The following BNC2 variants were observed in gnomAD, a reference collection of about 807,000 sequenced individuals.
The protein encoded by BNC2 is zinc finger protein basonuclin-2.
In BNC2, 20 loss-of-function variants were observed where a neutral mutation model predicts 76.3. That is an observed-to-expected ratio of 0.26 (90% confidence interval 0.18 to 0.38). The LOEUF (loss-of-function observed/expected upper bound fraction) is 0.38. Among genes scored for constraint, BNC2 ranks in the 10% least tolerant of loss-of-function variants. BNC2 has a pLI of 1.00. For missense variants in BNC2, 1,382 were observed against 1,399.8 expected, an observed-to-expected ratio of 0.99 and a Z score of 0.20; for synonymous variants, 582 against 514.8, an observed-to-expected ratio of 1.13 and a Z score of -1.77.
At chr9:16,803,698 C>G (rs1817836939) in intron 1 of BNC2, among the ~76,000 whole-genome samples, 1 of 152,210 alleles carries the variant, frequency 6.6e-6, no homozygotes, top group African/African-American at 2.4e-5. Flanking sequence ...AAATTATCAT[C>G]TATTTACAGT....
At position 16,410,140 on chromosome 9, in the gene BNC2, A is replaced by G. The variant is rs1233139506; in HGVS notation, c.*8849T>C. 1.3e-5 allele frequency: 2 copies of G among 152,300 alleles called. No individual in the cohort carries two copies. Among genetic ancestry groups the G allele is most frequent in the African/African-American group, 2.4e-5 (1 of 41,560 alleles). The allele number at this position is 152,300 out of a possible 1,614,324, so 9.4% of individuals were successfully genotyped here. On this transcript the variant is annotated 3_prime_UTR_variant, in exon 7 of 7. Transcript: ENST00000380672. ...CTGTGTGAGGGATCTTGCTAGTTCT[A>G]AAAGGCCTAGTCCATCACCAGCAGG...
intron 4 of BNC2, among the ~76,000 whole-genome samples, chr9:16,574,099 T>C (rs190020491): frequency 7.3e-6 from 1 of 136,650 alleles, no homozygotes; most frequent in Admixed American, 7.2e-5. Flanking sequence ...CCGAATCTCC[T>C]AGTTTATCCT....
At chr9:16,489,951 TCTTA>T (rs949412119) in intron 5 of BNC2, among the ~76,000 whole-genome samples, 3 of 152,218 alleles carry the variant, frequency 2.0e-5, no homozygotes, top group African/African-American at 4.8e-5. Context: ...GTTCCTTACT[TCTTA>T]CTTAACAATA....
intron 3 of BNC2, among the ~76,000 whole-genome samples, chr9:16,605,962 T>C (rs921678035): frequency 1.3e-5 from 2 of 151,922 alleles, no homozygotes; most frequent in East Asian, 1.9e-4. Flanking sequence ...GCTAACCTTT[T>C]CAAACCCCTG....
intron 3 of BNC2, among the ~76,000 whole-genome samples, chr9:16,588,722 C>T (rs1031663380): frequency 3.9e-5 from 6 of 152,148 alleles, no homozygotes; most frequent in Non-Finnish European, 8.8e-5. Context: ...TGGATGCATT[C>T]CAAAGCTCTA....
chr9:16,743,339 T>G (rs1824905227), intron 1 of BNC2, among the ~76,000 whole-genome samples: 2 of 152,114 alleles, frequency 1.3e-5, no homozygotes, highest in South Asian at 2.1e-4. Context: ...TGGTTAAAGC[T>G]CCTAAGCCTA....
At chr9:16,515,095 A>G (rs1350492785) in intron 5 of BNC2, among the ~76,000 whole-genome samples, 1 of 152,200 alleles carries the variant, frequency 6.6e-6, no homozygotes, top group Non-Finnish European at 1.5e-5. Context: ...TCTTGCATCA[A>G]TAGGACCACT....
intron 5 of BNC2, among the ~76,000 whole-genome samples, chr9:16,439,924 G>A (rs2130897891): frequency 6.6e-6 from 1 of 152,272 alleles, no homozygotes; most frequent in African/African-American, 2.4e-5. Context: ...TATCTGCTCA[G>A]AAGAGTCACA....
intron 1 of BNC2, among the ~76,000 whole-genome samples, chr9:16,864,626 C>T (rs145329586): frequency 1.8e-3 from 268 of 152,282 alleles, no homozygotes; most frequent in African/African-American, 6.0e-3. Flanking sequence ...GCCTATCCCC[C>T]ATGTTGTGCA....
At chr9:16,541,458 G>A (rs749505840) in intron 5 of BNC2, among the ~76,000 whole-genome samples, 11 of 152,240 alleles carry the variant, frequency 7.2e-5, no homozygotes, top group East Asian at 1.9e-4. Context: ...ATGTCAATAC[G>A]TGGAAAAGCA....
chr9:16,512,458 T>C (rs1047551691), intron 5 of BNC2, among the ~76,000 whole-genome samples: 1 of 151,120 alleles, frequency 6.6e-6, no homozygotes, highest in Non-Finnish European at 1.5e-5. Flanking sequence ...ACAGCAGTCC[T>C]AAAGACCAAT....
intron 3 of BNC2, among the ~76,000 whole-genome samples, chr9:16,678,037 G>T (rs1302902319): frequency 1.3e-5 from 2 of 151,838 alleles, no homozygotes; most frequent in African/African-American, 2.4e-5. Flanking sequence ...AGAATCAATT[G>T]TAACAAAAAT....
chr9:16,855,521 T>A (rs531164131), intron 1 of BNC2, among the ~76,000 whole-genome samples: 1 of 152,334 alleles, frequency 6.6e-6, no homozygotes, highest in Admixed American at 6.5e-5. Flanking sequence ...CATCAAAATC[T>A]AACAATTTTT....
At chr9:16,421,367 A>C in intron 6 of BNC2, 1 of 1,008,900 alleles carries the variant, frequency 9.9e-7, no homozygotes, top group Non-Finnish European at 1.4e-6. Flanking sequence ...GAGAGAGAGA[A>C]AACAAATTCA....
intron 3 of BNC2, among the ~76,000 whole-genome samples, chr9:16,642,379 C>A (rs537399394): frequency 6.6e-6 from 1 of 152,308 alleles, no homozygotes; most frequent in Admixed American, 6.5e-5. Flanking sequence ...TCAGGTGGCA[C>A]TAGCATTGCT....
In BNC2 at chr9:16,415,814, A is replaced by C. The variant is rs540857907; in HGVS notation, c.*3175T>G. The C allele has an allele frequency of 2.0e-5, 3 of 152,320 alleles. No individual in the cohort carries two copies. In the East Asian group the frequency reaches 5.8e-4, roughly 29 times the overall value. 9.4% of individuals were successfully genotyped at this position (152,320 alleles called of 1,614,324 possible). A position where few individuals can be genotyped will look rare whatever the true frequency, so the allele number is the denominator to read the frequency against. On this transcript the variant is annotated 3_prime_UTR_variant, in exon 7 of 7. Coordinates refer to ENST00000380672, the MANE Select transcript of BNC2 (RefSeq NM_017637.6). ...TAAGCAAATAGGCTTTATATTGGAAAATGTTATTTACTCATTTAGAAGGCC... is the reference window on the plus strand; with the variant it reads ...TAAGCAAATAGGCTTTATATTGGAACATGTTATTTACTCATTTAGAAGGCC...
At chr9:16,738,624 T>A in intron 1 of BNC2, 139 bp from the exon 2 acceptor site, 1 of 971,248 alleles carries the variant, frequency 1.0e-6, no homozygotes, top group Non-Finnish European at 1.6e-6. Flanking sequence ...GTTAATAGTT[T>A]CTAAGGCTGA....
chr9:16,638,601 G>C (rs1280037083), intron 3 of BNC2, among the ~76,000 whole-genome samples: 1 of 151,812 alleles, frequency 6.6e-6, no homozygotes, highest in East Asian at 1.9e-4. Context: ...CTAATTACCT[G>C]TAAAACCCTT....
chr9:16,790,008 A>AT (rs947883389), intron 1 of BNC2, among the ~76,000 whole-genome samples: 10 of 151,698 alleles, frequency 6.6e-5, no homozygotes, highest in East Asian at 3.9e-4. Context: ...ATGTGAAATG[A>AT]TTTTTTTTTG....
Sources: allele counts gnomAD v4.1 joint callset (sites outside exome capture counted in the v4.1 genomes callset), GRCh38; gene constraint gnomAD v4.1.1; transcripts MANE v1.5; gene names NCBI Gene and HGNC (gene_info 2026-07-23, HGNC 2026-07-21).